The following NRXN3 variants were observed in gnomAD, a reference collection of about 807,000 sequenced individuals.
NRXN3 encodes the protein neurexin III.
A neutral mutation model predicts 137.6 loss-of-function variants in NRXN3; 32 were observed. The ratio of observed to expected loss-of-function variants is 0.23; its 90% confidence interval spans 0.18 to 0.31. The LOEUF (loss-of-function observed/expected upper bound fraction) is 0.31, where lower values mean the gene tolerates loss of function less well. NRXN3 is among the 10% of genes least tolerant of loss of function. The pLI, the probability that NRXN3 is intolerant of heterozygous loss-of-function variation, is 1.00. For synonymous variants in NRXN3, 798 were observed against 784.5 expected, an observed-to-expected ratio of 1.02 and a Z score of -0.29; for missense variants, 1,574 against 2,062.5, an observed-to-expected ratio of 0.76 and a Z score of 4.59.
At chr14:79,586,839 A>G (rs1445410751) in intron 16 of NRXN3, among the ~76,000 whole-genome samples, 10 of 152,214 alleles carry the variant, frequency 6.6e-5, no homozygotes, top group Non-Finnish European at 1.5e-5. Flanking sequence ...AGTAGTAGCT[A>G]TTCATATTCA....
At chr14:78,495,150 T>C (rs1293822357) in intron 4 of NRXN3, among the ~76,000 whole-genome samples, 1 of 149,766 alleles carries the variant, frequency 6.7e-6, no homozygotes, top group Non-Finnish European at 1.5e-5. Context: ...TGTGTGTGTG[T>C]GTGTGTGTGT....
intron 16 of NRXN3, among the ~76,000 whole-genome samples, chr14:79,597,500 G>T (rs1460734777): frequency 6.6e-6 from 1 of 152,152 alleles, no homozygotes; most frequent in African/African-American, 2.4e-5. Flanking sequence ...AATCACTTGG[G>T]ATTCACAGAA....
Position 79,414,062 on chromosome 14 carries a change from G to T in NRXN3, c.3263-53159G>T, listed in dbSNP as rs140275718. 8.4e-3 allele frequency among the ~76,000 whole-genome samples: 1,280 copies of T among 152,008 alleles called. 14 individuals are homozygous for T. Among genetic ancestry groups the T allele is most frequent in the African/African-American group, 0.029 (1,208 of 41,464 alleles). ...AATCAAGAGCTTTCATGTATTTTTT[G>T]AAATAACCTGGATAAGAAAATCCAG... is the stretch of plus-strand genomic sequence containing the variant. On this transcript the variant is annotated intron_variant, in intron 15 of 20. Coordinates refer to ENST00000335750, the MANE Select transcript of NRXN3 (RefSeq NM_001330195.2).
chr14:78,517,701 A>G (rs940472272), intron 4 of NRXN3, among the ~76,000 whole-genome samples: 1 of 152,170 alleles, frequency 6.6e-6, no homozygotes, highest in Non-Finnish European at 1.5e-5. Flanking sequence ...TTTTGCCTTC[A>G]ATTCAATTAT....
At chr14:78,756,709 G>A (rs1243171832) in intron 8 of NRXN3, among the ~76,000 whole-genome samples, 3 of 143,082 alleles carry the variant, frequency 2.1e-5, no homozygotes, top group East Asian at 2.0e-4. Flanking sequence ...TTTGGAAACA[G>A]CATTGAAGAA....
At chr14:79,122,428 T>G (rs1044586428) in intron 15 of NRXN3, among the ~76,000 whole-genome samples, 1 of 152,182 alleles carries the variant, frequency 6.6e-6, no homozygotes, top group Non-Finnish European at 1.5e-5. Flanking sequence ...TTCCTCTCAG[T>G]GGAATGATGC....
chr14:79,736,583 G>T (rs2110432), intron 19 of NRXN3, among the ~76,000 whole-genome samples: 97,563 of 151,902 alleles, frequency 0.64, 32,417 homozygotes, highest in African/African-American at 0.78. Flanking sequence ...GGTGACAAAG[G>T]CCGGCAATTC....
chr14:78,912,296 C>A (rs898373058), intron 10 of NRXN3, among the ~76,000 whole-genome samples: 1 of 150,214 alleles, frequency 6.7e-6, no homozygotes, highest in Non-Finnish European at 1.5e-5. Context: ...AAAAAAAATA[C>A]CCAGAACAAA....
At chr14:78,353,853 C>T (rs2083903444) in intron 4 of NRXN3, among the ~76,000 whole-genome samples, 1 of 152,136 alleles carries the variant, frequency 6.6e-6, no homozygotes, top group South Asian at 2.1e-4. Context: ...TCTGGTTCCT[C>T]ATAGAAAAAG....
intron 4 of NRXN3, among the ~76,000 whole-genome samples, chr14:78,552,708 A>G (rs974521958): frequency 1.3e-5 from 2 of 152,130 alleles, no homozygotes; most frequent in Admixed American, 6.5e-5. Context: ...AGAAATAAAT[A>G]AACAACATTT....
chr14:78,302,707 A>T (rs913786219), intron 4 of NRXN3, among the ~76,000 whole-genome samples: 5 of 152,180 alleles, frequency 3.3e-5, no homozygotes, highest in Non-Finnish European at 7.3e-5. Flanking sequence ...GCTTCCCTTT[A>T]TGATGTCTCC....
chr14:79,485,829 C>T (rs764302245), intron 16 of NRXN3, among the ~76,000 whole-genome samples: 37 of 152,064 alleles, frequency 2.4e-4, no homozygotes, highest in Non-Finnish European at 3.2e-4. Context: ...TATATTTTAA[C>T]GTACTGTTAG....
chr14:78,835,921 G>A (rs1229818892), intron 10 of NRXN3, among the ~76,000 whole-genome samples: 1 of 151,998 alleles, frequency 6.6e-6, no homozygotes, highest in African/African-American at 2.4e-5. Flanking sequence ...AGGCTCTCAG[G>A]CTTTTGTAAT....
intron 16 of NRXN3, among the ~76,000 whole-genome samples, chr14:79,540,014 T>C (rs1333081447): frequency 6.6e-6 from 1 of 151,364 alleles, no homozygotes; most frequent in African/African-American, 2.4e-5. Flanking sequence ...TAGAGGGGAG[T>C]GAGAAGGAGA....
intron 4 of NRXN3, among the ~76,000 whole-genome samples, chr14:78,366,760 C>T (rs2086013020): frequency 6.6e-6 from 1 of 152,184 alleles, no homozygotes; most frequent in South Asian, 2.1e-4. Flanking sequence ...ATGGAAAAGA[C>T]CCACCTCCAT....
At chr14:78,337,395 CAGGGATAATT>C (rs1325784397) in intron 4 of NRXN3, among the ~76,000 whole-genome samples, 3 of 152,022 alleles carry the variant, frequency 2.0e-5, no homozygotes, top group Non-Finnish European at 4.4e-5. Flanking sequence ...TTGTAGGTAC[CAGGGATAATT>C]AGTGAAGGTG....
At chr14:79,677,010 G>A (rs1182093097) in intron 17 of NRXN3, among the ~76,000 whole-genome samples, 1 of 151,992 alleles carries the variant, frequency 6.6e-6, no homozygotes, top group Non-Finnish European at 1.5e-5. Context: ...TGACTTCAAT[G>A]ACTGCATATA....
chr14:78,816,922 A>G (rs1306456577), intron 10 of NRXN3, among the ~76,000 whole-genome samples: 1 of 151,908 alleles, frequency 6.6e-6, no homozygotes, highest in African/African-American at 2.4e-5. Flanking sequence ...ACATCTTCAA[A>G]TATACATAGG....
rs1555692393 is a variant in NRXN3 at position 79,754,587 on chromosome 14, C to CAT, written c.4015-50524_4015-50523insTA. ...ATGCACACATACACACACACACACACACATATATATACACACACATACACA... is the reference window on the plus strand; with the variant it reads ...ATGCACACATACACACACACACACACATACATATATATACACACACATACACA... On this transcript the variant is annotated intron_variant, in intron 19 of 20. Coordinates refer to ENST00000335750, the MANE Select transcript of NRXN3 (RefSeq NM_001330195.2). Among the ~76,000 whole-genome samples the CAT allele has an allele frequency of 7.7e-3, 990 of 127,818 alleles. 59 individuals carry two copies. Among genetic ancestry groups the CAT allele is most frequent in the East Asian group, 0.041 (174 of 4,210 alleles). 83.9% of individuals were successfully genotyped at this position (127,818 alleles called of 152,430 possible). A position where few individuals can be genotyped will look rare whatever the true frequency, so the allele number is the denominator to read the frequency against.
Sources: allele counts gnomAD v4.1 joint callset (sites outside exome capture counted in the v4.1 genomes callset), GRCh38; gene constraint gnomAD v4.1.1; transcripts MANE v1.5; gene names NCBI Gene and HGNC (gene_info 2026-07-23, HGNC 2026-07-21).